Variants in CYP3A5 observed in about 807,000 individuals in gnomAD.
The protein encoded by CYP3A5 is cytochrome P450 3A5.
Under a neutral mutation model 55.9 loss-of-function variants are expected in CYP3A5, and 51 were observed. That is an observed-to-expected ratio of 0.91 (90% CI 0.73 to 1.15). The LOEUF (loss-of-function observed/expected upper bound fraction) is 1.15. Among genes scored for constraint, CYP3A5 ranks in the 50% most tolerant of loss-of-function variants. CYP3A5 has a pLI of 0.00. For synonymous variants in CYP3A5, 196 were observed against 213.9 expected, an observed-to-expected ratio of 0.92 and a Z score of 0.73; for missense variants, 533 against 596.6, an observed-to-expected ratio of 0.89 and a Z score of 1.11.
chr7:99,657,467 T>C (rs1809881893), intron 10 of CYP3A5, among the ~76,000 whole-genome samples: 1 of 152,238 alleles, frequency 6.6e-6, no homozygotes, highest in African/African-American at 2.4e-5. Flanking sequence ...ATAATGTCTG[T>C]TCTTTTACAT....
At chr7:99,676,432 T>G (rs1308171576) in intron 1 of CYP3A5, 5 of 1,475,960 alleles carry the variant, frequency 3.4e-6, no homozygotes, top group South Asian at 1.1e-5. Context: ...GCAGCTGAAG[T>G]CTTCATAGTC....
At chr7:99,675,593 C>T (rs995393035) in intron 2 of CYP3A5, among the ~76,000 whole-genome samples, 1 of 147,814 alleles carries the variant, frequency 6.8e-6, no homozygotes, top group African/African-American at 2.5e-5. Context: ...AGCCTACACA[C>T]CTTTTCCTCT....
chr7:99,677,290 T>C (rs952072948), intron 1 of CYP3A5: 1 of 978,112 alleles, frequency 1.0e-6, no homozygotes, highest in Non-Finnish European at 1.2e-6. Context: ...CTGATTCAGC[T>C]GTGAAGCTGC....
chr7:99,663,960 G>C lies in CYP3A5; in HGVS notation c.798+8C>G. ...AAACATCGTCATTTAACCACCATCA[G>C]ATTTTACCTTTTGTTTGTCGTTGAG... is the stretch of plus-strand genomic sequence containing the variant. On this transcript the variant is annotated splice_region_variant and intron_variant, in intron 8 of 12. Coordinates refer to ENST00000222982, the MANE Select transcript of CYP3A5 (RefSeq NM_000777.5). 6.3e-7 allele frequency: 1 copy of C among 1,579,984 alleles called. No individual in the cohort carries two copies. Among genetic ancestry groups the C allele is most frequent in the Non-Finnish European group, 8.5e-7 (1 of 1,170,886 alleles).
At position 99,663,955 on chromosome 7, in the gene CYP3A5, C is replaced by T; in HGVS notation, c.798+13G>A. The T allele has an allele frequency of 2.5e-6, 4 of 1,575,546 alleles. No homozygotes were observed. Among genetic ancestry groups the T allele is most frequent in the Non-Finnish European group, 3.4e-6 (4 of 1,169,072 alleles). ...AACCTAAACATCGTCATTTAACCAC[C>T]ATCAGATTTTACCTTTTGTTTGTCG... On this transcript the variant is annotated intron_variant, in intron 8 of 12. Coordinates refer to ENST00000222982, the MANE Select transcript of CYP3A5 (RefSeq NM_000777.5).
chr7:99,676,307 T>C, intron 1 of CYP3A5, 99 bp from the exon 2 acceptor site: 1 of 1,586,090 alleles, frequency 6.3e-7, no homozygotes, highest in Non-Finnish European at 8.6e-7. Context: ...GAGAGGGAGG[T>C]AATATGTACA....
At chr7:99,650,529 A>G (rs1284948549) in intron 11 of CYP3A5, among the ~76,000 whole-genome samples, 1 of 152,216 alleles carries the variant, frequency 6.6e-6, no homozygotes, top group East Asian at 1.9e-4. Flanking sequence ...TGATGTGTTC[A>G]CACTATAAAA....
At chr7:99,661,752 A>G (rs1322570006) in intron 9 of CYP3A5, among the ~76,000 whole-genome samples, 4 of 152,342 alleles carry the variant, frequency 2.6e-5, no homozygotes, top group South Asian at 2.1e-4. Context: ...GGTAAATTCA[A>G]CCATCCAATT....
chr7:99,668,641 A>G (rs964255819), intron 4 of CYP3A5, among the ~76,000 whole-genome samples: 4 of 152,252 alleles, frequency 2.6e-5, no homozygotes, highest in Non-Finnish European at 5.9e-5. Context: ...TTCAGCAAGA[A>G]GAAATTAAAA....
At chr7:99,650,393 G>T (rs562123276) in intron 11 of CYP3A5, among the ~76,000 whole-genome samples, 161 bp from the exon 12 acceptor site, 1 of 152,068 alleles carries the variant, frequency 6.6e-6, no homozygotes, top group Non-Finnish European at 1.5e-5. Flanking sequence ...TGGTTATTTC[G>T]TTATAATCAT....
intron 10 of CYP3A5, among the ~76,000 whole-genome samples, chr7:99,656,215 T>G (rs1584416646): frequency 6.6e-6 from 1 of 152,290 alleles, no homozygotes; most frequent in Middle Eastern, 3.4e-3. Context: ...TGGCTGTGGG[T>G]TTGTCATAAA....
chr7:99,660,859 C>T (rs1450183883), intron 9 of CYP3A5, among the ~76,000 whole-genome samples, 200 bp from the exon 10 acceptor site: 3 of 152,104 alleles, frequency 2.0e-5, no homozygotes, highest in Non-Finnish European at 4.4e-5. Flanking sequence ...TCCAGGTTTT[C>T]CCAAGGTCTA....
chr7:99,661,328 C>T (rs1762718340), intron 9 of CYP3A5, among the ~76,000 whole-genome samples: 1 of 152,144 alleles, frequency 6.6e-6, no homozygotes, highest in Non-Finnish European at 1.5e-5. Flanking sequence ...GATTTGTGTG[C>T]ACAACCTCAC....
chr7:99,664,797 G>T (rs1810816458), intron 7 of CYP3A5, among the ~76,000 whole-genome samples: 1 of 151,992 alleles, frequency 6.6e-6, no homozygotes, highest in Non-Finnish European at 1.5e-5. Context: ...GAAACCTAAA[G>T]CCAGCAAAAG....
At position 99,653,034 on chromosome 7, in the gene CYP3A5, G is replaced by A. The variant is rs894931900; in HGVS notation, c.1027-255C>T. 1.3e-5 allele frequency among the ~76,000 whole-genome samples: 2 copies of A among 152,178 alleles called. No homozygotes were observed. Among genetic ancestry groups the A allele is most frequent in the Non-Finnish European group, 2.9e-5 (2 of 68,030 alleles). On this transcript the variant is annotated intron_variant, in intron 10 of 12. Coordinates refer to ENST00000222982, the MANE Select transcript of CYP3A5 (RefSeq NM_000777.5). The surrounding 1 kb of genome is among the most constrained non-coding windows in gnomAD (Gnocchi z 4.2). ...CCCCAGGGACTGAAATCCTTAGCAT[G>A]ACCATGTAGTGGTTTTTCTTTCTCA... is the stretch of plus-strand genomic sequence containing the variant.
intron 11 of CYP3A5, among the ~76,000 whole-genome samples, chr7:99,650,488 T>C (rs1809066663): frequency 6.6e-6 from 1 of 152,180 alleles, no homozygotes; most frequent in Admixed American, 6.5e-5. Context: ...ATAATATTTA[T>C]CTCTAAACAC....
chr7:99,672,971 T>C, intron 3 of CYP3A5: 1 of 1,045,430 alleles, frequency 9.6e-7, no homozygotes. Flanking sequence ...CAGTAGAGCA[T>C]TCGTTAAGCT....
chr7:99,669,076 A>G (rs1332882916), intron 4 of CYP3A5, among the ~76,000 whole-genome samples: 2 of 152,212 alleles, frequency 1.3e-5, no homozygotes, highest in East Asian at 1.9e-4. Context: ...CTTATCTATT[A>G]TAATGCTTTT....
chr7:99,678,356 TG>T (rs1404631656), intron 1 of CYP3A5, among the ~76,000 whole-genome samples: 1 of 152,252 alleles, frequency 6.6e-6, no homozygotes, highest in Non-Finnish European at 1.5e-5. Context: ...TCACTTCATA[TG>T]GATCCTACCT....
Sources: allele counts gnomAD v4.1 joint callset (sites outside exome capture counted in the v4.1 genomes callset), GRCh38; gene constraint gnomAD v4.1.1; non-coding constraint Gnocchi (gnomAD v3.1); transcripts MANE v1.5; gene names NCBI Gene and HGNC (gene_info 2026-07-23, HGNC 2026-07-21).